CSTF3: variants seen among roughly 807,000 people sequenced by gnomAD.
CSTF3 encodes the protein CF-1 77 kDa subunit.
In CSTF3, 29 loss-of-function variants were observed where a neutral mutation model predicts 105.8. The observed-to-expected ratio is 0.27, with a 90% CI of 0.20 to 0.37. CSTF3 has a LOEUF of 0.37. Among genes scored for constraint, CSTF3 ranks in the 10% least tolerant of loss-of-function variants. The probability of loss-of-function intolerance (pLI) is 1.00; values close to 1 mark genes in which losing one functional copy is unlikely to be tolerated. For missense variants in CSTF3, 357 were observed against 879.3 expected (o/e 0.41, Z 7.51); for synonymous variants, 252 against 281.9 (o/e 0.89, Z 1.06).
intron 9 of CSTF3, 42 bp downstream of exon 9, chr11:33,103,063 CAG>C: frequency 8.0e-7 from 1 of 1,257,300 alleles, no homozygotes; most frequent in Non-Finnish European, 1.1e-6. Flanking sequence ...CTGTAAACAA[CAG>C]ACTCATAATA....
intron 1 of CSTF3, among the ~76,000 whole-genome samples, chr11:33,152,162 G>C (rs964479815): frequency 6.6e-6 from 1 of 152,180 alleles, no homozygotes; most frequent in African/African-American, 2.4e-5. Context: ...GGCTAAGGTG[G>C]GAGGATCCCT....
intron 1 of CSTF3, among the ~76,000 whole-genome samples, chr11:33,157,405 C>T (rs936778606): frequency 1.3e-5 from 2 of 151,968 alleles, no homozygotes; most frequent in East Asian, 3.8e-4. Context: ...ATAAATAATA[C>T]AGCCATAATT....
intron 15 of CSTF3, among the ~76,000 whole-genome samples, chr11:33,094,461 T>A (rs1209537531): frequency 1.3e-5 from 2 of 152,204 alleles, no homozygotes; most frequent in Non-Finnish European, 2.9e-5. Context: ...AATGAATAAA[T>A]GTTTCATGGA....
intron 3 of CSTF3, among the ~76,000 whole-genome samples, chr11:33,122,261 T>C (rs1855497173): frequency 6.6e-6 from 1 of 152,326 alleles, no homozygotes; most frequent in African/African-American, 2.4e-5. Flanking sequence ...AATCCTTATA[T>C]ATAAACTCAC....
chr11:33,097,452 C>T (rs1326892327), intron 13 of CSTF3, among the ~76,000 whole-genome samples: 1 of 152,160 alleles, frequency 6.6e-6, no homozygotes, highest in Admixed American at 6.5e-5. Context: ...TCACTGCAAC[C>T]TCTGTCTCCT....
intron 3 of CSTF3, among the ~76,000 whole-genome samples, chr11:33,122,833 T>G (rs554898605): frequency 6.8e-6 from 1 of 146,184 alleles, no homozygotes; most frequent in South Asian, 2.1e-4. Flanking sequence ...GGGGGATTGC[T>G]GGAGCCTAGG....
chr11:33,117,962 A>C (rs1356656988), intron 3 of CSTF3, among the ~76,000 whole-genome samples: 1 of 151,942 alleles, frequency 6.6e-6, no homozygotes, highest in Non-Finnish European at 1.5e-5. Flanking sequence ...GGATTGAGAC[A>C]ATTTTTCTGT....
rs1042586154 is a variant in CSTF3, at chr11:33,084,786, T to A, written c.*301A>T. On this transcript the variant is annotated 3_prime_UTR_variant, in exon 21 of 21. Coordinates refer to ENST00000323959, the MANE Select transcript of CSTF3 (RefSeq NM_001326.3). Reference sequence around the variant, plus strand: ...TTTTAAAATAAAACTGTTGAAAAACTCACAAATCTTCAAGCGGCACATACA... The same window carrying A: ...TTTTAAAATAAAACTGTTGAAAAACACACAAATCTTCAAGCGGCACATACA... 17 of 351,636 alleles carry A rather than the reference T, an allele frequency of 4.8e-5. No individual in the cohort carries two copies. The highest frequency in any genetic ancestry group is 2.9e-4 in the African/African-American group (14 of 48,516). 21.8% of individuals were successfully genotyped at this position (351,636 alleles called of 1,614,324 possible).
chr11:33,153,430 AG>A (rs1328790745), intron 1 of CSTF3, among the ~76,000 whole-genome samples: 6 of 152,106 alleles, frequency 3.9e-5, no homozygotes, highest in Non-Finnish European at 7.4e-5. Context: ...GTTAATGGGA[AG>A]GTGGGATGTG....
At chr11:33,132,006 T>C (rs552290552) in intron 3 of CSTF3, among the ~76,000 whole-genome samples, 1 of 152,306 alleles carries the variant, frequency 6.6e-6, no homozygotes, top group African/African-American at 2.4e-5. Flanking sequence ...TGCACAGGTA[T>C]TGACTATATA....
At chr11:33,151,928 T>C (rs1432813360) in intron 1 of CSTF3, among the ~76,000 whole-genome samples, 5 of 152,238 alleles carry the variant, frequency 3.3e-5, no homozygotes, top group Admixed American at 2.6e-4. Context: ...TTGATTTACA[T>C]TTCTCTGATG....
At chr11:33,132,389 G>GAA (rs894151453) in intron 3 of CSTF3, among the ~76,000 whole-genome samples, 3 of 143,498 alleles carry the variant, frequency 2.1e-5, no homozygotes, top group African/African-American at 7.6e-5. Flanking sequence ...TTCTGTTGAA[G>GAA]AAAAAAAAAA....
intron 16 of CSTF3, 35 bp from the exon 17 acceptor site, chr11:33,090,762 A>T (rs1855161042): frequency 6.9e-7 from 1 of 1,450,554 alleles, no homozygotes; most frequent in South Asian, 1.5e-5. Flanking sequence ...TACTTTAATT[A>T]TTCTGGGTTT....
At chr11:33,156,535 C>T (rs957531662) in intron 1 of CSTF3, among the ~76,000 whole-genome samples, 3 of 152,138 alleles carry the variant, frequency 2.0e-5, no homozygotes, top group African/African-American at 2.4e-5. Context: ...ACTAAAAACA[C>T]GTATTTATGA....
At chr11:33,155,842 C>T (rs1386305710) in intron 1 of CSTF3, among the ~76,000 whole-genome samples, 1 of 151,226 alleles carries the variant, frequency 6.6e-6, no homozygotes, top group African/African-American at 2.5e-5. Context: ...AGCTTAAAAT[C>T]ACCGTCACCA....
Position 33,141,876 on chromosome 11 carries a change from T to C in CSTF3, c.129+9A>G. 1 of 1,586,874 alleles carries C rather than the reference T, an allele frequency of 6.3e-7. No individual in the cohort carries two copies. Among genetic ancestry groups the C allele is most frequent in the Non-Finnish European group, 8.5e-7 (1 of 1,170,358 alleles). On this transcript the variant is annotated intron_variant, in intron 2 of 20. Coordinates refer to ENST00000323959, the MANE Select transcript of CSTF3 (RefSeq NM_001326.3). ...ATAGAGAAGGAAATGTAATCCTATA[T>C]CACTAAACCTGTGCCTCTCGAATGA... is the stretch of plus-strand genomic sequence containing the variant.
At chr11:33,153,066 A>G (rs983553521) in intron 1 of CSTF3, among the ~76,000 whole-genome samples, 1 of 152,138 alleles carries the variant, frequency 6.6e-6, no homozygotes, top group Non-Finnish European at 1.5e-5. Flanking sequence ...AAAATAATAA[A>G]TTCCTTAAAT....
At chr11:33,150,442 G>A (rs1055037735) in intron 1 of CSTF3, among the ~76,000 whole-genome samples, 16 of 152,082 alleles carry the variant, frequency 1.1e-4, no homozygotes, top group African/African-American at 3.9e-4. Flanking sequence ...GGAACAGGCA[G>A]GGACCCCAAA....
At chr11:33,100,601 CG>C (rs1326659182) in intron 10 of CSTF3, among the ~76,000 whole-genome samples, 1 of 152,010 alleles carries the variant, frequency 6.6e-6, no homozygotes, top group Non-Finnish European at 1.5e-5. Flanking sequence ...CTGCAGTATA[CG>C]GGGAGGACAG....
Sources: gnomAD v4.1 joint callset for allele counts (sites outside exome capture counted in the v4.1 genomes callset) on GRCh38, gnomAD v4.1.1 for gene constraint, MANE v1.5 for transcripts, NCBI Gene and HGNC (gene_info 2026-07-23, HGNC 2026-07-21) for gene names.